DCLRE1C: variants seen among roughly 807,000 people sequenced by gnomAD.
DCLRE1C encodes protein artemis.
DCLRE1C carries 47 observed loss-of-function variants against 61.4 expected under a neutral mutation model. The ratio of observed to expected loss-of-function variants is 0.77; its 90% CI spans 0.61 to 0.98. The LOEUF (loss-of-function observed/expected upper bound fraction) is 0.98, where lower values mean the gene tolerates loss of function less well. Ranked by LOEUF, DCLRE1C falls within the 50% of genes least tolerant of loss-of-function variation. The pLI is 0.00. For synonymous variants in DCLRE1C, 337 were observed against 287.6 expected, an observed-to-expected ratio of 1.17 and a Z score of -1.74; for missense variants, 858 against 816.0, an observed-to-expected ratio of 1.05 and a Z score of -0.63.
rs752292924 is a variant in DCLRE1C at position 14,909,302 on chromosome 10, A to G, written c.1185T>C (p.Asp395=). 3 of 1,613,894 alleles carry G rather than the reference A, an allele frequency of 1.9e-6. No individual in the cohort carries two copies. The South Asian group carries it at 3.3e-5, about 18-fold the overall frequency. ...TGTGCCTTAAAGGTATTGGCAGAGG[A>G]TCATCAAAGAGATAGTCATCTTCCT... ...SEEEDDYLFD[D]PLPIPLRHKV... is the part of the protein sequence containing the mutation. The change falls in exon 14 of 14, where the codon GAT becomes GAC. Residue 395 remains aspartate, a synonymous_variant. Transcript: ENST00000378278.
chr10:14,899,387 C>G, intron 13 of DCLRE1C: 3 of 808,928 alleles, frequency 3.7e-6, no homozygotes, highest in South Asian at 1.6e-5. Flanking sequence ...CTCTTTGCAT[C>G]TGAGTCTTAG....
chr10:14,954,050 G>A lies in DCLRE1C; in HGVS notation c.-40C>T, dbSNP rs1307255993. 6.2e-7 allele frequency: 1 copy of A among 1,612,680 alleles called. No individual in the cohort carries two copies. The highest frequency in any genetic ancestry group is 8.5e-7 in the Non-Finnish European group (1 of 1,179,766). On this transcript the variant is annotated 5_prime_UTR_variant, in exon 1 of 14. Transcript: ENST00000378278. ...CAGAGTCCGGGACCCCAAAACCGCAGCTGAAGCCAAGGCCAGCCCTGACCG... is the reference window on the plus strand; with the variant it reads ...CAGAGTCCGGGACCCCAAAACCGCAACTGAAGCCAAGGCCAGCCCTGACCG...
chr10:14,936,672 G>T, intron 4 of DCLRE1C, 79 bp from the exon 5 acceptor site: 2 of 950,998 alleles, frequency 2.1e-6, no homozygotes, highest in Non-Finnish European at 3.4e-6. Flanking sequence ...CTCCTTCACA[G>T]AACACATTTA....
Position 14,908,066 on chromosome 10 carries a change from C to T in DCLRE1C, c.*342G>A. ...ACAGGGTCTTGCTCTGTCACCCAGA[C>T]TAGAGGTGCAGTGGCACAGTCATGG... On this transcript the variant is annotated 3_prime_UTR_variant, in exon 14 of 14. Coordinates refer to ENST00000378278, the MANE Select transcript of DCLRE1C (RefSeq NM_001033855.3). 1 of 241,338 alleles carries T rather than the reference C, an allele frequency of 4.1e-6. No homozygotes were observed. Among genetic ancestry groups the T allele is most frequent in the South Asian group, 5.8e-5 (1 of 17,116 alleles). 14.9% of individuals were successfully genotyped at this position (241,338 alleles called of 1,614,324 possible). A position where few individuals can be genotyped will look rare whatever the true frequency, so the allele number is the denominator to read the frequency against.
intron 2 of DCLRE1C, among the ~76,000 whole-genome samples, chr10:14,946,613 C>T (rs532464224): frequency 6.6e-6 from 1 of 152,036 alleles, no homozygotes; most frequent in Non-Finnish European, 1.5e-5. Context: ...CGCTTTTTAA[C>T]CCTGAGTCTC....
downstream of DCLRE1C, among the ~76,000 whole-genome samples, chr10:14,902,084 T>C (rs1197885950): frequency 1.3e-5 from 2 of 152,328 alleles, no homozygotes; most frequent in Middle Eastern, 3.4e-3. Flanking sequence ...AATGAATGTG[T>C]ATTAGATATT....
chr10:14,899,285 A>C (rs548175606), exon 14 of DCLRE1C: 2 of 702,312 alleles, frequency 2.8e-6, no homozygotes, highest in African/African-American at 1.7e-5. Flanking sequence ...GCACCACCGC[A>C]TTCTAGCCTG....
At chr10:14,902,914 C>A (rs1400194306), downstream of DCLRE1C, 1 of 154,268 alleles carries the variant, frequency 6.5e-6, no homozygotes, top group Non-Finnish European at 1.4e-5. Context: ...TTAATTTGGG[C>A]AAATCTACAG....
intron 13 of DCLRE1C, among the ~76,000 whole-genome samples, chr10:14,913,262 A>C (rs1488948283): frequency 6.6e-6 from 1 of 152,272 alleles, no homozygotes; most frequent in East Asian, 1.9e-4. Context: ...GTGACTGGAA[A>C]TAGACATAAA....
chr10:14,939,826 T>C lies in DCLRE1C; in HGVS notation c.290A>G (p.Asp97Gly), dbSNP rs1409411951. 5.6e-6 allele frequency: 9 copies of C among 1,595,974 alleles called. No homozygotes were observed. Among genetic ancestry groups the C allele is most frequent in the Non-Finnish European group, 7.7e-6 (9 of 1,164,678 alleles). ...IETPTQISLV[D>G]EASGEKEEIV... ...TTTAGTTACCTCTCCTGATGCTTCA[T>C]CCACTAAAGATATCTGGGTAGGAGT... Residue 97 changes from aspartate (D) to glycine (G), a missense_variant, in exon 4 of 14, where the codon GAT becomes GGT. Coordinates refer to ENST00000378278, the MANE Select transcript of DCLRE1C (RefSeq NM_001033855.3).
downstream of DCLRE1C, chr10:14,901,177 C>A (rs61730323): frequency 9.9e-6 from 16 of 1,613,776 alleles, no homozygotes; most frequent in Non-Finnish European, 1.2e-5. Context: ...TTGATAACCT[C>A]GATACTCGTC....
chr10:14,946,036 C>T (rs369837100), intron 2 of DCLRE1C, among the ~76,000 whole-genome samples: 5 of 139,414 alleles, frequency 3.6e-5, no homozygotes, highest in African/African-American at 1.1e-4. Context: ...GAGATGGAGT[C>T]TTGATCTGTC....
intron 11 of DCLRE1C, among the ~76,000 whole-genome samples, chr10:14,926,282 C>T (rs1168499550): frequency 2.0e-5 from 3 of 152,084 alleles, no homozygotes; most frequent in Non-Finnish European, 2.9e-5. Flanking sequence ...TCCACAAGTC[C>T]ACAAAGGATC....
chr10:14,945,416 A>G (rs1751944487), intron 2 of DCLRE1C: 2 of 1,268,122 alleles, frequency 1.6e-6, no homozygotes, highest in Non-Finnish European at 2.0e-6. Flanking sequence ...AAAATCTGTT[A>G]GAGTCACTCT....
At chr10:14,899,019 T>C (rs1478268369) in exon 14 of DCLRE1C, 5 of 561,416 alleles carry the variant, frequency 8.9e-6, no homozygotes, top group Non-Finnish European at 1.3e-5. Context: ...TCCAATGTAC[T>C]GCTCAAATCC....
At chr10:14,924,088 G>C (rs1588991342) in intron 11 of DCLRE1C, among the ~76,000 whole-genome samples, 1 of 152,232 alleles carries the variant, frequency 6.6e-6, no homozygotes, top group African/African-American at 2.4e-5. Context: ...GTAGAACAAA[G>C]GGACACACAT....
chr10:14,921,192 C>T (rs1265475807), intron 12 of DCLRE1C, among the ~76,000 whole-genome samples: 1 of 151,472 alleles, frequency 6.6e-6, no homozygotes, highest in African/African-American at 2.4e-5. Context: ...TGGTCGCGGG[C>T]GCCTGTAGTC....
chr10:14,919,081 T>G (rs1367823901), intron 13 of DCLRE1C, among the ~76,000 whole-genome samples: 1 of 152,166 alleles, frequency 6.6e-6, no homozygotes, highest in East Asian at 1.9e-4. Context: ...CATTATCTCG[T>G]GTGTTTTGGT....
In DCLRE1C at chr10:14,908,223, TG is replaced by T. The variant is rs1834635896; in HGVS notation, c.*184del. The T allele has an allele frequency of 2.1e-6, 1 of 486,526 alleles. No individual in the cohort carries two copies. Among genetic ancestry groups the T allele is most frequent in the African/African-American group, 2.2e-5 (1 of 45,944 alleles). 30.1% of individuals were successfully genotyped at this position (486,526 alleles called of 1,614,324 possible). On this transcript the variant is annotated 3_prime_UTR_variant, in exon 14 of 14. Transcript: ENST00000378278. ...ACACATTTCACTGTGTTGGCCAGGC[TG>T]GTGTCGAACTCCTGGGCTCAAGCCA...
Sources: gnomAD v4.1 joint callset for allele counts (sites outside exome capture counted in the v4.1 genomes callset) on GRCh38, gnomAD v4.1.1 for gene constraint, MANE v1.5 for transcripts, NCBI Gene and HGNC (gene_info 2026-07-23, HGNC 2026-07-21) for gene names.